The following WDFY3 variants were observed in gnomAD, a reference collection of about 807,000 sequenced individuals.
WDFY3 encodes WD repeat and FYVE domain-containing protein 3.
A neutral mutation model predicts 409.6 loss-of-function variants in WDFY3; 66 were observed. That is an observed-to-expected ratio of 0.16 (90% CI 0.13 to 0.20). WDFY3 has a LOEUF of 0.20. Ranked by LOEUF, WDFY3 falls within the 10% of genes least tolerant of loss-of-function variation. The pLI, the probability that WDFY3 is intolerant of heterozygous loss-of-function variation, is 1.00. For synonymous variants in WDFY3, 1,521 were observed against 1,537.1 expected, an observed-to-expected ratio of 0.99 and a Z score of 0.25; for missense variants, 3,031 against 4,298.1, an observed-to-expected ratio of 0.71 and a Z score of 8.24.
chr4:84,703,719 A>G (rs1172972122), intron 55 of WDFY3, among the ~76,000 whole-genome samples: 1 of 151,658 alleles, frequency 6.6e-6, no homozygotes, highest in African/African-American at 2.4e-5. Flanking sequence ...TACTCTGACC[A>G]CTCTACTTAA....
rs145655367 is a variant in WDFY3, at chr4:84,717,000, T to C, written c.7771A>G (p.Ile2591Val). Residue 2591 changes from isoleucine to valine, a missense_variant, in exon 49 of 68, where the codon ATT becomes GTT. By Grantham distance (29) the Ile-to-Val change is conservative (BLOSUM62 3). This residue lies in a region of WDFY3 where 40 missense variants were observed against 54.2 expected (regional missense o/e 0.74). Transcript: ENST00000295888. ...GGGCCTTGCCTGGCTCCTCTAGGAA[T>C]AATAGGCTCATGCATACTACAGGCA... Reference protein sequence around the residue: ...TLPPNMHEPIIPRGARQGPSQ... With the variant: ...TLPPNMHEPIVPRGARQGPSQ... 96 of 1,604,936 alleles carry C rather than the reference T, an allele frequency of 6.0e-5. No homozygotes were observed. The African/African-American group carries it at 1.2e-3, about 20-fold the overall frequency.
chr4:84,931,171 G>A (rs534081070), intron 2 of WDFY3, among the ~76,000 whole-genome samples: 2 of 152,266 alleles, frequency 1.3e-5, no homozygotes, highest in Non-Finnish European at 2.9e-5. Context: ...CTGATAAGGG[G>A]AGACTATCGC....
At chr4:84,676,961 T>A (rs1181087655) in intron 67 of WDFY3, among the ~76,000 whole-genome samples, 1 of 152,222 alleles carries the variant, frequency 6.6e-6, no homozygotes, top group Non-Finnish European at 1.5e-5. Flanking sequence ...TTAAATACGA[T>A]GAAATATTAG....
rs1725337803 is a variant in WDFY3 at position 84,670,836 on chromosome 4, A to C, written c.*2032T>G. ...AGCACAATTTCTGCAACTGTTGAAC[A>C]TCAGCATTATTTATTAGAATTGAAG... On this transcript the variant is annotated 3_prime_UTR_variant, in exon 68 of 68. Coordinates refer to ENST00000295888, the MANE Select transcript of WDFY3 (RefSeq NM_014991.6). 1 of 152,520 alleles carries C rather than the reference A, an allele frequency of 6.6e-6. No homozygotes were observed. The highest frequency in any genetic ancestry group is 2.1e-4 in the South Asian group (1 of 4,826). 9.4% of individuals were successfully genotyped at this position (152,520 alleles called of 1,614,324 possible). A position where few individuals can be genotyped will look rare whatever the true frequency, so the allele number is the denominator to read the frequency against.
chr4:84,913,749 TAAAGC>T (rs201817387), intron 2 of WDFY3, among the ~76,000 whole-genome samples: 2,398 of 144,412 alleles, frequency 0.017, 62 homozygotes, highest in African/African-American at 0.059. Context: ...TTTAGAGAAA[TAAAGC>T]AAAAAAAAAA....
chr4:84,692,624 T>C (rs1729443728), intron 59 of WDFY3, among the ~76,000 whole-genome samples: 2 of 152,096 alleles, frequency 1.3e-5, no homozygotes, highest in Non-Finnish European at 2.9e-5. Flanking sequence ...TTTTAGAGCT[T>C]TGATTATCTT....
At chr4:84,828,873 G>T in intron 9 of WDFY3, 131 bp downstream of exon 9, 1 of 915,038 alleles carries the variant, frequency 1.1e-6, no homozygotes, top group Non-Finnish European at 1.5e-6. Flanking sequence ...AAAGAAGGGA[G>T]TAAAGCCAGG....
intron 15 of WDFY3, among the ~76,000 whole-genome samples, chr4:84,804,859 A>G (rs1344578566): frequency 1.3e-5 from 2 of 152,308 alleles, no homozygotes; most frequent in East Asian, 3.9e-4. Context: ...CTAAATTGAC[A>G]GATTTGATGA....
intron 30 of WDFY3, among the ~76,000 whole-genome samples, chr4:84,772,528 T>A (rs924263696): frequency 1.3e-5 from 2 of 152,078 alleles, no homozygotes; most frequent in Admixed American, 6.5e-5. Context: ...ATTTAAAAAA[T>A]CAAATAATGT....
Position 84,740,178 on chromosome 4 carries a change from A to T in WDFY3, c.6464+9T>A. ...ATTTAACATGGCAAACTGAACCTAAAGGATTTACCTTCCAACATGTAGATT... is the reference window on the plus strand; with the variant it reads ...ATTTAACATGGCAAACTGAACCTAATGGATTTACCTTCCAACATGTAGATT... On this transcript the variant is annotated intron_variant, in intron 39 of 67. Coordinates refer to ENST00000295888, the MANE Select transcript of WDFY3 (RefSeq NM_014991.6). The T allele has an allele frequency of 1.9e-6, 3 of 1,613,662 alleles. No individual in the cohort carries two copies. In the South Asian group the frequency reaches 3.3e-5, roughly 18 times the overall value.
intron 16 of WDFY3, among the ~76,000 whole-genome samples, chr4:84,802,435 A>AT (rs1750761436): frequency 1.3e-5 from 2 of 151,262 alleles, no homozygotes; most frequent in African/African-American, 4.9e-5. Context: ...AATTTTTTGC[A>AT]TTTTTTGTAT....
chr4:84,962,034 A>G (rs1221218045), intron 1 of WDFY3, among the ~76,000 whole-genome samples: 1 of 152,218 alleles, frequency 6.6e-6, no homozygotes, highest in Non-Finnish European at 1.5e-5. Flanking sequence ...TTCATATTTG[A>G]TCAAAACTAG....
At chr4:84,730,878 G>A (rs942496162) in intron 44 of WDFY3, among the ~76,000 whole-genome samples, 2 of 151,706 alleles carry the variant, frequency 1.3e-5, no homozygotes, top group Admixed American at 6.6e-5. Flanking sequence ...TCGGCTCACC[G>A]CAACCTCCAC....
intron 5 of WDFY3, among the ~76,000 whole-genome samples, chr4:84,842,147 C>T (rs2150037926): frequency 6.6e-6 from 1 of 152,234 alleles, no homozygotes; most frequent in Admixed American, 6.5e-5. Flanking sequence ...CCAATTTTTA[C>T]AGTAACATAT....
rs368131754 is a variant in WDFY3 at position 84,935,045 on chromosome 4, G to GT, written c.-225-2683dup. On this transcript the variant is annotated intron_variant, in intron 1 of 67. Transcript: ENST00000295888. ...AACTCACCCAACGTTGTTGCATATA[G>GT]TTGTAGTTCATTCATTTTCACTGCA... is the stretch of plus-strand genomic sequence containing the variant. Among the ~76,000 whole-genome samples the GT allele has an allele frequency of 1.5e-3, 233 of 152,176 alleles. 2 individuals are homozygous for GT. Among genetic ancestry groups the GT allele is most frequent in the African/African-American group, 5.3e-3 (222 of 41,526 alleles).
chr4:84,942,938 G>A (rs2151046584), intron 1 of WDFY3, among the ~76,000 whole-genome samples: 1 of 152,050 alleles, frequency 6.6e-6, no homozygotes, highest in East Asian at 1.9e-4. Context: ...CTTACAATTT[G>A]TTTACTTTTA....
chr4:84,772,785 C>G lies in WDFY3; in HGVS notation c.4849+50G>C, dbSNP rs558133711. ...CTAATTTGGGCCAGAAGAAAAAAGG[C>G]ATAATATTTAGTTGACCACTATCTT... On this transcript the variant is annotated intron_variant, in intron 30 of 67. Transcript: ENST00000295888. 46 of 1,452,956 alleles carry G rather than the reference C, an allele frequency of 3.2e-5. 1 individual carries two copies. The South Asian group carries it at 5.5e-4, about 17-fold the overall frequency. The allele number at this position is 1,452,956 out of a possible 1,614,324, so 90.0% of individuals were successfully genotyped here.
Position 84,913,518 on chromosome 4 carries a change from G to A in WDFY3, c.-131-16508C>T, listed in dbSNP as rs969900692. ...AACGCTAGTACACACCACATCAGAG[G>A]AATTAACAGAAGACAACTTGATGAA... On this transcript the variant is annotated intron_variant, in intron 2 of 67. Transcript: ENST00000295888. Among the ~76,000 whole-genome samples, 9 of 151,826 alleles carry A rather than the reference G, an allele frequency of 5.9e-5. No individual in the cohort carries two copies. In the South Asian group the frequency reaches 1.9e-3, roughly 32 times the overall value.
At chr4:84,739,217 G>C in intron 39 of WDFY3, 98 bp from the exon 40 acceptor site, 2 of 1,178,204 alleles carry the variant, frequency 1.7e-6, no homozygotes, top group African/African-American at 1.5e-5. Flanking sequence ...AGCAGACACT[G>C]AATGTCTACT....
Sources: gnomAD v4.1 joint callset for allele counts (sites outside exome capture counted in the v4.1 genomes callset) on GRCh38, gnomAD v4.1.1 for gene constraint, gnomAD v4.1.1 regional missense constraint, MANE v1.5 for transcripts, NCBI Gene and HGNC (gene_info 2026-07-23, HGNC 2026-07-21) for gene names.